The following NUP62CL variants were observed in gnomAD, a reference collection of about 807,000 sequenced individuals.
NUP62CL encodes the protein nucleoporin-62 C-terminal-like protein.
A neutral mutation model predicts 15.3 loss-of-function variants in NUP62CL; 13 were observed. The ratio of observed to expected loss-of-function variants is 0.85; its 90% confidence interval spans 0.55 to 1.35. The LOEUF is 1.35. NUP62CL is among the 40% of genes most tolerant of loss of function. The probability of loss-of-function intolerance (pLI) is 0.00; values close to 1 mark genes in which losing one functional copy is unlikely to be tolerated. For missense variants in NUP62CL, 123 were observed against 130.6 expected, an observed-to-expected ratio of 0.94 and a Z score of 0.28; for synonymous variants, 54 against 49.2, an observed-to-expected ratio of 1.10 and a Z score of -0.41.
intron 4 of NUP62CL, among the ~76,000 whole-genome samples, chrX:107,166,253 A>G (rs970119344): frequency 2.7e-5 from 3 of 112,218 alleles, no homozygotes; most frequent in African/African-American, 9.7e-5. Flanking sequence ...GACAAAAGAT[A>G]TGAACAGACA....
chrX:107,202,096 G>T (rs1927500301), intron 1 of NUP62CL, among the ~76,000 whole-genome samples: 1 of 111,776 alleles, frequency 8.9e-6, no homozygotes, highest in African/African-American at 3.2e-5. Context: ...AGTATCTCTG[G>T]GATGGGAAGG....
intron 2 of NUP62CL, among the ~76,000 whole-genome samples, chrX:107,178,967 C>G (rs752509243): frequency 4.6e-5 from 5 of 109,300 alleles, no homozygotes; most frequent in Non-Finnish European, 9.5e-5. Flanking sequence ...TGGTAGTACA[C>G]CCTTGCAGTC....
At chrX:107,125,151 A>T (rs1386004879) in intron 8 of NUP62CL, among the ~76,000 whole-genome samples, 1 of 112,005 alleles carries the variant, frequency 8.9e-6, no homozygotes, top group Non-Finnish European at 1.9e-5. Context: ...GATGAAGAGA[A>T]TGAAGAACTT....
chrX:107,147,301 A>C (rs1925902947), intron 8 of NUP62CL, among the ~76,000 whole-genome samples: 1 of 111,734 alleles, frequency 8.9e-6, no homozygotes. Context: ...CACTATGTTC[A>C]AAAGTTATCT....
At chrX:107,126,115 A>G (rs1171489252) in intron 8 of NUP62CL, among the ~76,000 whole-genome samples, 2 of 112,333 alleles carry the variant, frequency 1.8e-5, no homozygotes, top group Non-Finnish European at 3.8e-5. Flanking sequence ...TGAAAATAAG[A>G]AAACAATTTC....
intron 8 of NUP62CL, among the ~76,000 whole-genome samples, chrX:107,130,501 T>A (rs1925489299): frequency 8.9e-6 from 1 of 112,211 alleles, no homozygotes. Flanking sequence ...TGCTAGAATA[T>A]GTGCTATATC....
rs1438556162 is a variant in NUP62CL, at chrX:107,157,059, G to A, written c.195-2813C>T. On this transcript the variant is annotated intron_variant, in intron 4 of 8. Coordinates refer to ENST00000372466, the MANE Select transcript of NUP62CL (RefSeq NM_017681.3). ...GAAGATGAAATGAATGAAATGAAGCGAGAAGGGAAGTTTAGAGAAAAAAGA... is the reference window on the plus strand; with the variant it reads ...GAAGATGAAATGAATGAAATGAAGCAAGAAGGGAAGTTTAGAGAAAAAAGA... 1.1e-4 allele frequency among the ~76,000 whole-genome samples: 11 copies of A among 103,604 alleles called. No homozygotes were observed. In the South Asian group the frequency reaches 2.4e-3, roughly 22 times the overall value. The allele number at this position is 103,604 out of a possible 115,157, so 90.0% of individuals were successfully genotyped here. A position where few individuals can be genotyped will look rare whatever the true frequency, so the allele number is the denominator to read the frequency against.
intron 4 of NUP62CL, among the ~76,000 whole-genome samples, chrX:107,162,822 G>A (rs774467961): frequency 1.8e-5 from 2 of 111,954 alleles, no homozygotes; most frequent in South Asian, 3.7e-4. Context: ...GATGGCGGGA[G>A]GGGCCTGGGG....
At chrX:107,131,838 TC>T (rs1925526155) in intron 8 of NUP62CL, 3 of 1,045,595 alleles carry the variant, frequency 2.9e-6, no homozygotes, top group Non-Finnish European at 4.0e-6. Context: ...ATGAAGACAC[TC>T]TTGGGACCTG....
At chrX:107,133,270 C>T (rs1205044761) in intron 8 of NUP62CL, among the ~76,000 whole-genome samples, 2 of 111,359 alleles carry the variant, frequency 1.8e-5, no homozygotes, top group Admixed American at 1.9e-4. Context: ...TCCATTCCTA[C>T]TGTTAAATGT....
rs776288227 is a variant in NUP62CL, at chrX:107,146,641, C to CT, written c.*42+1101dup. On this transcript the variant is annotated intron_variant, in intron 8 of 8. Coordinates refer to ENST00000372466, the MANE Select transcript of NUP62CL (RefSeq NM_017681.3). ...TTCTGTAGACTTTCTCCTGTACCTC[C>CT]TTTTTTTTGGAGTATCATTATAGAT... 1.4e-4 allele frequency among the ~76,000 whole-genome samples: 16 copies of CT among 110,827 alleles called. No homozygotes were observed. The South Asian group carries it at 3.4e-3, about 24-fold the overall frequency.
At chrX:107,131,854 A>G in intron 8 of NUP62CL, 1 of 1,018,224 alleles carries the variant, frequency 9.8e-7, no homozygotes, top group East Asian at 3.0e-5. Context: ...GACCTGTGTT[A>G]TATTTGAAGA....
chrX:107,152,748 T>A (rs1470260232), intron 7 of NUP62CL, among the ~76,000 whole-genome samples: 1 of 111,954 alleles, frequency 8.9e-6, no homozygotes, highest in African/African-American at 3.2e-5. Context: ...GCCTTTAAAA[T>A]AGCAAATGAT....
chrX:107,154,211 A>C lies in NUP62CL; in HGVS notation c.230T>G (p.Leu77Arg), dbSNP rs370408653. 1 of 1,205,126 alleles carries C rather than the reference A, an allele frequency of 8.3e-7. No homozygotes were observed. Among genetic ancestry groups the C allele is most frequent in the Non-Finnish European group, 1.1e-6 (1 of 890,847 alleles). ...GTTCCACTCATTTATAAGACCCTCC[A>C]GATGACCATATGTCATCACAGGAGT... ...VATPVMTYGH[L>R]EGLINEWNLE... is the part of the protein sequence containing the mutation. The change falls in exon 5 of 9, where the codon CTG becomes CGG. Residue 77 changes from leucine to arginine, a missense_variant. Coordinates refer to ENST00000372466, the MANE Select transcript of NUP62CL (RefSeq NM_017681.3).
intron 2 of NUP62CL, among the ~76,000 whole-genome samples, chrX:107,180,735 G>A (rs1449360586): frequency 9.0e-6 from 1 of 110,828 alleles, no homozygotes; most frequent in Admixed American, 9.6e-5. Flanking sequence ...AAAGGGGCAG[G>A]GGTAATAAAG....
intron 2 of NUP62CL, among the ~76,000 whole-genome samples, chrX:107,187,794 CAG>C (rs1026228505): frequency 1.7e-4 from 19 of 112,489 alleles, no homozygotes; most frequent in East Asian, 1.4e-3. Flanking sequence ...GGAATGAAAA[CAG>C]GGGATATCAT....
chrX:107,171,858 G>T (rs1459770939), intron 3 of NUP62CL, among the ~76,000 whole-genome samples: 1 of 76,542 alleles, frequency 1.3e-5, no homozygotes, highest in East Asian at 4.8e-4. Context: ...TTCAACCCAT[G>T]ACTAAAAGAA....
At chrX:107,155,172 G>A (rs1050324095) in intron 4 of NUP62CL, among the ~76,000 whole-genome samples, 5 of 112,203 alleles carry the variant, frequency 4.5e-5, no homozygotes, top group African/African-American at 1.6e-4. Context: ...ACTAAATGAG[G>A]TAGGGCAAAG....
intron 3 of NUP62CL, among the ~76,000 whole-genome samples, chrX:107,171,162 C>G (rs1390134050): frequency 5.4e-5 from 6 of 112,002 alleles, no homozygotes; most frequent in Non-Finnish European, 1.1e-4. Context: ...TCCCAAATGG[C>G]TGTAAATCTA....
Sources: gnomAD v4.1 joint callset for allele counts (sites outside exome capture counted in the v4.1 genomes callset) on GRCh38, gnomAD v4.1.1 for gene constraint, MANE v1.5 for transcripts, NCBI Gene and HGNC (gene_info 2026-07-23, HGNC 2026-07-21) for gene names.